Variants in POLD2 observed in about 807,000 individuals in gnomAD.
POLD2 encodes the protein DNA polymerase delta subunit 2.
In POLD2, 31 loss-of-function variants were observed where a neutral mutation model predicts 48.8. The ratio of observed to expected loss-of-function variants is 0.64; its 90% CI spans 0.48 to 0.86. The LOEUF (loss-of-function observed/expected upper bound fraction) is 0.86, where lower values mean the gene tolerates loss of function less well. POLD2 is among the 40% of genes least tolerant of loss of function. The probability of loss-of-function intolerance (pLI) is 0.00; values close to 1 mark genes in which losing one functional copy is unlikely to be tolerated. For missense variants in POLD2, 455 were observed against 610.1 expected (o/e 0.75, Z 2.68); for synonymous variants, 233 against 256.3 (o/e 0.91, Z 0.87).
At chr7:44,120,927 T>G (rs953857377) in intron 2 of POLD2, among the ~76,000 whole-genome samples, 7 of 152,142 alleles carry the variant, frequency 4.6e-5, no homozygotes, top group African/African-American at 1.7e-4. Flanking sequence ...TCTAGCTAGA[T>G]TTCTAGGCCC....
Position 44,116,100 on chromosome 7 carries a change from G to T in POLD2, c.1019+15C>A. The T allele has an allele frequency of 6.2e-7, 1 of 1,613,354 alleles. No individual in the cohort carries two copies. The highest frequency in any genetic ancestry group is 8.5e-7 in the Non-Finnish European group (1 of 1,179,968). On this transcript the variant is annotated intron_variant, in intron 8 of 10. Coordinates refer to ENST00000610533, the MANE Select transcript of POLD2 (RefSeq NM_006230.4). This position sits in a 1 kb window ranked among gnomAD's most constrained non-coding sequence, Gnocchi z 6.1. ...AAAAGGCTGGGTCAGACTGAAGTGT[G>T]GCTGTGCCAGCTACCTGACTCCATC...
At position 44,115,297 on chromosome 7, in the gene POLD2, C is replaced by T. The variant is rs747052052; in HGVS notation, c.1247G>A (p.Arg416Gln). The T allele has an allele frequency of 1.1e-5, 17 of 1,607,666 alleles. No homozygotes were observed. The Admixed American group carries it at 1.3e-4, about 13-fold the overall frequency. ...GGCCCCCAGAAGACAAAAATTACCT[C>T]GGATGATTTTGGAGCCAAAGCTGGG... ...NTPSFGSKIIRGPEDQTVLLV... is the reference protein window; with the variant it reads ...NTPSFGSKIIQGPEDQTVLLV... Residue 416 changes from arginine to glutamine, a missense_variant and splice_region_variant, in exon 10 of 11, where the codon CGA (arginine) becomes CAA (glutamine). Arg to Gln is a conservative substitution (Grantham distance 43). Around this residue, in one of 3 missense-constraint regions of POLD2, gnomAD observed 98 missense variants for 138.6 expected, o/e 0.71. Coordinates refer to ENST00000610533, the MANE Select transcript of POLD2 (RefSeq NM_006230.4).
At position 44,122,059 on chromosome 7, in the gene POLD2, C is replaced by T. The variant is rs544499072; in HGVS notation, c.-6G>A. The T allele has an allele frequency of 2.9e-5, 47 of 1,612,516 alleles. No homozygotes were observed. The highest frequency in any genetic ancestry group is 3.7e-5 in the Non-Finnish European group (44 of 1,179,930). ...GCAGCCTGCTCAGAAAACATGGCCA[C>T]ACTCCTGACTTGCTTGGTCCACACA... On this transcript the variant is annotated 5_prime_UTR_variant, in exon 2 of 11. It adds an upstream start codon to the 5' untranslated region. Coordinates refer to ENST00000610533, the MANE Select transcript of POLD2 (RefSeq NM_006230.4).
At chr7:44,117,526 A>G in intron 4 of POLD2, 93 bp downstream of exon 4, 1 of 1,318,906 alleles carries the variant, frequency 7.6e-7, no homozygotes, top group Non-Finnish European at 1.0e-6. Context: ...ACACCCCCCC[A>G]CTCCCCCCAG....
In POLD2 at chr7:44,121,320, C is replaced by T. The variant is rs1339895941; in HGVS notation, c.220+514G>A. ...GGCAAAGAACAAGGGTTGTGTTGGG[C>T]AGGCCACTTTATTAGGAAAGACAGA... On this transcript the variant is annotated intron_variant, in intron 2 of 10. Transcript: ENST00000610533. This position sits in a 1 kb window ranked among gnomAD's most constrained non-coding sequence, Gnocchi z 4.5. 6.6e-6 allele frequency among the ~76,000 whole-genome samples: 1 copy of T among 152,002 alleles called. No individual in the cohort carries two copies. The highest frequency in any genetic ancestry group is 1.5e-5 in the Non-Finnish European group (1 of 68,000).
In POLD2 at chr7:44,116,983, C is replaced by G; in HGVS notation, c.614G>C (p.Gly205Ala). 6.2e-7 allele frequency: 1 copy of G among 1,613,430 alleles called. No individual in the cohort carries two copies. The change falls in exon 6 of 11, where the codon GGT becomes GCT. Residue 205 changes from glycine to alanine, a missense_variant. By Grantham distance (60) the Gly-to-Ala change is moderately conservative. Coordinates refer to ENST00000610533, the MANE Select transcript of POLD2 (RefSeq NM_006230.4). The surrounding 1 kb of genome is among the most constrained non-coding windows in gnomAD (Gnocchi z 6.1). ...CAGCAGGCTCTCGCCTCCACCGCCA[C>G]CCAGGCCCAGGCCGGACACCAGTAG... Reference protein sequence around the residue: ...FVLLVSGLGLGGGGGESLLGT... With the variant: ...FVLLVSGLGLAGGGGESLLGT...
intron 9 of POLD2, 85 bp from the exon 10 acceptor site, chr7:44,115,481 C>T: frequency 1.1e-6 from 1 of 915,108 alleles, no homozygotes; most frequent in Non-Finnish European, 1.8e-6. Context: ...CCCCTCCTCC[C>T]ATTGCAGGCC....
At chr7:44,118,188 C>A in intron 2 of POLD2, 124 bp from the exon 3 acceptor site, 2 of 1,143,448 alleles carry the variant, frequency 1.7e-6, no homozygotes, top group South Asian at 1.6e-5. Flanking sequence ...CAGGAGAGAA[C>A]ATCAAGTACA....
chr7:44,118,021 C>T lies in POLD2; in HGVS notation c.264G>A (p.Glu88=). The T allele has an allele frequency of 6.2e-7, 1 of 1,614,232 alleles. No individual in the cohort carries two copies. Among genetic ancestry groups the T allele is most frequent in the Non-Finnish European group, 8.5e-7 (1 of 1,180,032 alleles). ...GAGTGCCCACCACACAGCACTTCTCCTCAGGCTGCAGTTCACACAGCTTCT... is the reference window on the plus strand; with the variant it reads ...GAGTGCCCACCACACAGCACTTCTCTTCAGGCTGCAGTTCACACAGCTTCT... The part of the protein sequence containing the change: ...GVKKLCELQP[E]EKCCVVGTLF... The change falls in exon 3 of 11, where the codon GAG becomes GAA. Residue 88 remains glutamate (E), a synonymous_variant. Transcript: ENST00000610533.
At chr7:44,119,839 G>C (rs2096245904) in intron 2 of POLD2, among the ~76,000 whole-genome samples, 1 of 152,256 alleles carries the variant, frequency 6.6e-6, no homozygotes, top group Admixed American at 6.5e-5. Flanking sequence ...ACTCGCCACA[G>C]TGACAAGTGC....
chr7:44,114,935 G>A lies in POLD2; in HGVS notation c.1260C>T (p.Asp420=). ...GGACAGTCACCAACAGCACTGTCTG[G>A]TCCTCAGGACCTGCAAAGAAGTCAC... The part of the protein sequence containing the change: ...FGSKIIRGPE[D]QTVLLVTVPD... Residue 420 remains aspartate (D), a synonymous_variant, in exon 11 of 11, where the codon GAC becomes GAT. Coordinates refer to ENST00000610533, the MANE Select transcript of POLD2 (RefSeq NM_006230.4). 2 of 1,606,618 alleles carry A rather than the reference G, an allele frequency of 1.2e-6. No homozygotes were observed. Among genetic ancestry groups the A allele is most frequent in the Middle Eastern group, 3.3e-4 (2 of 6,044 alleles).
chr7:44,123,458 G>C (rs1350432572), intron 1 of POLD2, 53 bp downstream of exon 1: 2 of 1,491,896 alleles, frequency 1.3e-6, no homozygotes, highest in African/African-American at 2.9e-5. Context: ...GCCCGGCCTC[G>C]CGGCCTGGAA....
At chr7:44,117,275 C>T in intron 4 of POLD2, 28 bp from the exon 5 acceptor site, 1 of 1,516,568 alleles carries the variant, frequency 6.6e-7, no homozygotes. Context: ...CAGGCCTGAG[C>T]AGGGAGCCCC....
At position 44,121,966 on chromosome 7, in the gene POLD2, C is replaced by T. The variant is rs1321964267; in HGVS notation, c.88G>A (p.Ala30Thr). ...NNATFARVPV[A>T]TYTNSSQPFR... Reference sequence around the variant, plus strand: ...GGTTGTGAGGAGTTGGTGTAGGTTGCCACTGGCACCCGGGCAAAGGTGGCA... The same window carrying T: ...GGTTGTGAGGAGTTGGTGTAGGTTGTCACTGGCACCCGGGCAAAGGTGGCA... Residue 30 changes from alanine (A) to threonine (T), a missense_variant, in exon 2 of 11, where the codon GCA (alanine) becomes ACA (threonine). By Grantham distance (58) the Ala-to-Thr change is moderately conservative. This residue lies in a region of POLD2 where 349 missense variants were observed against 437.4 expected (regional missense o/e 0.80). Coordinates refer to ENST00000610533, the MANE Select transcript of POLD2 (RefSeq NM_006230.4). The surrounding 1 kb of genome is among the most constrained non-coding windows in gnomAD (Gnocchi z 4.5). The T allele has an allele frequency of 3.7e-6, 6 of 1,613,880 alleles. No homozygotes were observed. Among genetic ancestry groups the T allele is most frequent in the Non-Finnish European group, 5.1e-6 (6 of 1,180,042 alleles).
At chr7:44,115,990 G>A (rs1265677049) in intron 8 of POLD2, 97 bp from the exon 9 acceptor site, 7 of 1,599,698 alleles carry the variant, frequency 4.4e-6, no homozygotes, top group Admixed American at 1.7e-5. Context: ...GCCCCAGAGA[G>A]AAGGAACAGA....
Position 44,116,021 on chromosome 7 carries a change from C to T in POLD2, c.1019+94G>A, listed in dbSNP as rs1278732898. 2.5e-6 allele frequency: 4 copies of T among 1,597,252 alleles called. No homozygotes were observed. The highest frequency in any genetic ancestry group is 1.1e-5 in the South Asian group (1 of 89,662). On this transcript the variant is annotated intron_variant, in intron 8 of 10. Transcript: ENST00000610533. The surrounding 1 kb of genome is among the most constrained non-coding windows in gnomAD (Gnocchi z 6.1). ...ACAGATGCTAGGTGGGCCTCTGCAG[C>T]CCTGCCACCTTCCTGGGCCCTCCCT...
In POLD2 at chr7:44,121,796, A is replaced by G; in HGVS notation, c.220+38T>C. 1 of 1,587,794 alleles carries G rather than the reference A, an allele frequency of 6.3e-7. No individual in the cohort carries two copies. Among genetic ancestry groups the G allele is most frequent in the Non-Finnish European group, 8.6e-7 (1 of 1,163,520 alleles). On this transcript the variant is annotated intron_variant, in intron 2 of 10. Transcript: ENST00000610533. This position sits in a 1 kb window ranked among gnomAD's most constrained non-coding sequence, Gnocchi z 4.5. ...TTGCAGAACACTTCTAAGTTCAGGGATGCTGTGGGGGAAGCACCTTCCCAA... is the reference window on the plus strand; with the variant it reads ...TTGCAGAACACTTCTAAGTTCAGGGGTGCTGTGGGGGAAGCACCTTCCCAA...
chr7:44,117,980 G>A lies in POLD2; in HGVS notation c.305C>T (p.Pro102Leu), dbSNP rs546429678. ...CTCCCGCAGGATGGAGGGCTGCAGC[G>A]GCATGGCCTTGAACAGAGTGCCCAC... Reference protein sequence around the residue: ...CVVGTLFKAMPLQPSILREVS... With the variant: ...CVVGTLFKAMLLQPSILREVS... Residue 102 changes from proline (P) to leucine (L), a missense_variant, in exon 3 of 11, where the codon CCG becomes CTG. Transcript: ENST00000610533. The A allele has an allele frequency of 1.1e-5, 18 of 1,614,168 alleles. No individual in the cohort carries two copies. Among genetic ancestry groups the A allele is most frequent in the Non-Finnish European group, 1.4e-5 (16 of 1,180,022 alleles).
intron 2 of POLD2, among the ~76,000 whole-genome samples, chr7:44,120,700 T>C (rs1027100630): frequency 2.0e-5 from 3 of 152,158 alleles, no homozygotes; most frequent in African/African-American, 7.2e-5. Context: ...TTAAAAATGG[T>C]TGGCAGTTCC....
Sources: gnomAD v4.1 joint callset for allele counts (sites outside exome capture counted in the v4.1 genomes callset) on GRCh38, gnomAD v4.1.1 for gene constraint, gnomAD v4.1.1 regional missense constraint, Gnocchi (gnomAD v3.1) non-coding constraint, MANE v1.5 for transcripts, NCBI Gene and HGNC (gene_info 2026-07-23, HGNC 2026-07-21) for gene names.